XPO7: variants seen among roughly 807,000 people sequenced by gnomAD.
The protein encoded by XPO7 is exportin-7.
A neutral mutation model predicts 144.3 loss-of-function variants in XPO7; 21 were observed. That is an observed-to-expected ratio of 0.15 (90% CI 0.10 to 0.21). XPO7 has a LOEUF of 0.21. XPO7 is among the 10% of genes least tolerant of loss of function. The probability of loss-of-function intolerance (pLI) is 1.00; values close to 1 mark genes in which losing one functional copy is unlikely to be tolerated. For missense variants in XPO7, 808 were observed against 1,325.8 expected (o/e 0.61, Z 6.06); for synonymous variants, 580 against 499.6 (o/e 1.16, Z -2.15).
chr8:21,970,387 C>CAG, intron 4 of XPO7, 77 bp downstream of exon 4: 1 of 1,348,136 alleles, frequency 7.4e-7, no homozygotes, highest in Non-Finnish European at 1.0e-6. Flanking sequence ...CACACACACA[C>CAG]ACACAACTTA....
intron 1 of XPO7, among the ~76,000 whole-genome samples, chr8:21,954,026 CAT>C (rs1333887566): frequency 3.9e-5 from 6 of 152,108 alleles, no homozygotes; most frequent in Non-Finnish European, 7.4e-5. Context: ...GAACTAGTAA[CAT>C]ATAGAAAGAA....
intron 1 of XPO7, among the ~76,000 whole-genome samples, chr8:21,959,790 A>G (rs1811661747): frequency 6.6e-6 from 1 of 152,200 alleles, no homozygotes; most frequent in Non-Finnish European, 1.5e-5. Context: ...GTCTTTTAAA[A>G]ATCATGTAAC....
intron 1 of XPO7, among the ~76,000 whole-genome samples, chr8:21,949,427 C>G (rs751753026): frequency 3.3e-5 from 5 of 152,174 alleles, no homozygotes; most frequent in Non-Finnish European, 7.3e-5. Context: ...TTCTTGGATT[C>G]TTACTATGTG....
intron 22 of XPO7, 96 bp from the exon 23 acceptor site, chr8:21,998,995 G>A: frequency 6.7e-7 from 1 of 1,498,708 alleles, no homozygotes; most frequent in Non-Finnish European, 9.2e-7. Context: ...TGTCACCAGG[G>A]GCCTACTGGA....
intron 5 of XPO7, among the ~76,000 whole-genome samples, chr8:21,974,010 T>TTTTTTG (rs956394042): frequency 3.3e-5 from 5 of 152,204 alleles, no homozygotes; most frequent in East Asian, 1.9e-4. Flanking sequence ...GTTGAGGGTT[T>TTTTTTG]TTTTTGTTTT....
At chr8:21,982,559 C>T in intron 10 of XPO7, 81 bp from the exon 11 acceptor site, 1 of 1,455,366 alleles carries the variant, frequency 6.9e-7, no homozygotes, top group Non-Finnish European at 9.1e-7. Context: ...AGAAAAAAGT[C>T]TTTATCTTCT....
At chr8:22,000,483 C>A (rs28404198) in intron 24 of XPO7, among the ~76,000 whole-genome samples, 4,137 of 134,348 alleles carry the variant, frequency 0.031, 203 homozygotes, top group African/African-American at 0.11. Context: ...GAGACGGAGT[C>A]GCTCTGTCGC....
At chr8:21,969,083 G>T (rs1811971805) in intron 2 of XPO7, among the ~76,000 whole-genome samples, 1 of 152,148 alleles carries the variant, frequency 6.6e-6, no homozygotes, top group Non-Finnish European at 1.5e-5. Context: ...TCATGCCATA[G>T]AAATATTTTG....
chr8:21,958,728 G>A (rs1232818141), intron 1 of XPO7, among the ~76,000 whole-genome samples: 2 of 152,106 alleles, frequency 1.3e-5, no homozygotes, highest in Non-Finnish European at 2.9e-5. Context: ...GGGAGGCTGA[G>A]GCGGGTGGAA....
At chr8:21,966,157 C>G (rs1158987169) in intron 1 of XPO7, 1 of 655,646 alleles carries the variant, frequency 1.5e-6, no homozygotes, top group African/African-American at 1.8e-5. Flanking sequence ...GAAGAGTTTG[C>G]TTGTGGGTGT....
At chr8:21,940,702 C>T (rs1810962519) in intron 1 of XPO7, among the ~76,000 whole-genome samples, 1 of 152,128 alleles carries the variant, frequency 6.6e-6, no homozygotes, top group Non-Finnish European at 1.5e-5. Context: ...CTCCTGACCT[C>T]AGGTGATCCA....
chr8:21,993,616 T>C (rs1585477917), intron 19 of XPO7, among the ~76,000 whole-genome samples: 2 of 152,332 alleles, frequency 1.3e-5, no homozygotes, highest in East Asian at 3.9e-4. Flanking sequence ...CTTGGTATTA[T>C]GTATGAGTCC....
chr8:21,973,497 CTAAA>C (rs1428587974), intron 5 of XPO7, among the ~76,000 whole-genome samples: 2 of 152,088 alleles, frequency 1.3e-5, no homozygotes, highest in African/African-American at 2.4e-5. Flanking sequence ...TTTTGAGCCT[CTAAA>C]TAATTTGAAT....
intron 21 of XPO7, among the ~76,000 whole-genome samples, chr8:21,996,351 G>A (rs937414169): frequency 6.6e-5 from 10 of 152,180 alleles, no homozygotes; most frequent in Admixed American, 2.0e-4. Flanking sequence ...GGAGGCAGAG[G>A]TTGCAGTGAG....
chr8:21,937,721 C>G (rs992872250), intron 1 of XPO7, among the ~76,000 whole-genome samples: 1 of 152,122 alleles, frequency 6.6e-6, no homozygotes, highest in Non-Finnish European at 1.5e-5. Flanking sequence ...TACCCTGGAC[C>G]AACAAGGAAA....
At chr8:21,927,124 T>A (rs1421530823) in intron 1 of XPO7, among the ~76,000 whole-genome samples, 1 of 152,046 alleles carries the variant, frequency 6.6e-6, no homozygotes, top group African/African-American at 2.4e-5. Flanking sequence ...GCACACATGC[T>A]TGTAGTCCCA....
At chr8:21,934,031 T>G (rs1196298891) in intron 1 of XPO7, among the ~76,000 whole-genome samples, 1 of 152,198 alleles carries the variant, frequency 6.6e-6, no homozygotes, top group Non-Finnish European at 1.5e-5. Flanking sequence ...CGAGAAAATG[T>G]TTTTTTCAGT....
At chr8:21,925,349 A>G (rs972704328) in intron 1 of XPO7, among the ~76,000 whole-genome samples, 1 of 152,230 alleles carries the variant, frequency 6.6e-6, no homozygotes, top group African/African-American at 2.4e-5. Flanking sequence ...GGAAGGATGT[A>G]TTTAAGAGAA....
intron 1 of XPO7, among the ~76,000 whole-genome samples, chr8:21,934,029 T>C (rs763765621): frequency 6.6e-6 from 1 of 152,134 alleles, no homozygotes; most frequent in African/African-American, 2.4e-5. Flanking sequence ...AACGAGAAAA[T>C]GTTTTTTTCA....
Sources: allele counts gnomAD v4.1 joint callset (sites outside exome capture counted in the v4.1 genomes callset), GRCh38; gene constraint gnomAD v4.1.1; transcripts MANE v1.5; gene names NCBI Gene and HGNC (gene_info 2026-07-23, HGNC 2026-07-21).